The following ABI1 variants were observed in gnomAD, a reference collection of about 807,000 sequenced individuals.
The protein encoded by ABI1 is abl interactor 1.
A neutral mutation model predicts 54.6 loss-of-function variants in ABI1; 14 were observed. That is an observed-to-expected ratio of 0.26 (90% CI 0.17 to 0.40). ABI1 has a LOEUF of 0.40. Ranked by LOEUF, ABI1 falls within the 10% of genes least tolerant of loss-of-function variation. The probability of loss-of-function intolerance (pLI) is 1.00; values close to 1 mark genes in which losing one functional copy is unlikely to be tolerated. For missense variants in ABI1, 443 were observed against 598.3 expected, an observed-to-expected ratio of 0.74 and a Z score of 2.71; for synonymous variants, 194 against 209.3, an observed-to-expected ratio of 0.93 and a Z score of 0.63.
chr10:26,757,729 T>G (rs1174834543), intron 8 of ABI1, among the ~76,000 whole-genome samples: 1 of 152,186 alleles, frequency 6.6e-6, no homozygotes, highest in Non-Finnish European at 1.5e-5. Context: ...GGTTTTCAAT[T>G]CTTAGGAATT....
intron 5 of ABI1, 101 bp from the exon 6 acceptor site, chr10:26,769,093 A>C: frequency 1.2e-6 from 1 of 843,150 alleles, no homozygotes; most frequent in Non-Finnish European, 1.7e-6. Context: ...GTATACCAGG[A>C]TTTAAAAATA....
rs1177072828 is a variant in ABI1, at chr10:26,820,744, C to T, written c.285+2394G>A. On this transcript the variant is annotated intron_variant, in intron 2 of 10. Transcript: ENST00000376140. Reference sequence around the variant, plus strand: ...CTGGGATTACAGGTGCCCGCCACCACGCCCGGCTAATTTTTGTATTTTTAG... The same window carrying T: ...CTGGGATTACAGGTGCCCGCCACCATGCCCGGCTAATTTTTGTATTTTTAG... Among the ~76,000 whole-genome samples, 6 of 151,868 alleles carry T rather than the reference C, an allele frequency of 4.0e-5. No individual in the cohort carries two copies. The East Asian group carries it at 5.9e-4, about 15-fold the overall frequency.
chr10:26,750,664 A>G (rs946204657), intron 10 of ABI1, among the ~76,000 whole-genome samples: 1 of 152,178 alleles, frequency 6.6e-6, no homozygotes, highest in African/African-American at 2.4e-5. Context: ...AAAGTGTTCA[A>G]CTAAATCACA....
In ABI1 at chr10:26,755,649, A is replaced by G; in HGVS notation, c.1084+6T>C. On this transcript the variant is annotated splice_donor_region_variant and intron_variant, in intron 9 of 10. Coordinates refer to ENST00000376140, the MANE Select transcript of ABI1 (RefSeq NM_001012750.3). Reference sequence around the variant, plus strand: ...CTCTTCCATAGCTCAGTTTTTCCAAACTTACTGTTTTCCTGCACCCTGGCC... The same window carrying G: ...CTCTTCCATAGCTCAGTTTTTCCAAGCTTACTGTTTTCCTGCACCCTGGCC... 6.2e-7 allele frequency: 1 copy of G among 1,609,132 alleles called. No homozygotes were observed. Among genetic ancestry groups the G allele is most frequent in the Non-Finnish European group, 8.5e-7 (1 of 1,175,742 alleles).
intron 2 of ABI1, among the ~76,000 whole-genome samples, chr10:26,781,835 A>G (rs937886277): frequency 4.6e-5 from 7 of 152,194 alleles, no homozygotes; most frequent in African/African-American, 1.7e-4. Context: ...TAATCAAGCC[A>G]CTGATCAAGC....
chr10:26,838,173 G>A (rs949484549), intron 1 of ABI1, among the ~76,000 whole-genome samples: 1 of 151,700 alleles, frequency 6.6e-6, no homozygotes, highest in Non-Finnish European at 1.5e-5. Flanking sequence ...ACAGGTGACC[G>A]CCACCACACC....
At chr10:26,774,439 T>C (rs1334604249) in intron 3 of ABI1, among the ~76,000 whole-genome samples, 2 of 152,186 alleles carry the variant, frequency 1.3e-5, no homozygotes, top group African/African-American at 4.8e-5. Context: ...TTCTCTATTC[T>C]AGCTTCCTCT....
chr10:26,836,527 T>C (rs774486818), intron 1 of ABI1, among the ~76,000 whole-genome samples: 3 of 152,228 alleles, frequency 2.0e-5, no homozygotes, highest in Admixed American at 1.3e-4. Context: ...AATGAGAAGA[T>C]AGGCATGTAA....
chr10:26,815,616 T>A (rs548479416), intron 2 of ABI1, among the ~76,000 whole-genome samples: 34 of 152,328 alleles, frequency 2.2e-4, no homozygotes, highest in African/African-American at 8.2e-4. Context: ...ACAATTTAAA[T>A]TTCAGTTACA....
chr10:26,758,995 C>G, intron 8 of ABI1, 67 bp downstream of exon 8: 1 of 1,430,104 alleles, frequency 7.0e-7, no homozygotes, highest in Non-Finnish European at 9.5e-7. Flanking sequence ...GCAAGAATAA[C>G]AGTTTCAAAT....
chr10:26,787,664 G>GA (rs1260696097), intron 2 of ABI1, among the ~76,000 whole-genome samples: 1 of 152,146 alleles, frequency 6.6e-6, no homozygotes, highest in African/African-American at 2.4e-5. Flanking sequence ...TTTTCAGCGA[G>GA]ACTAATTCTT....
At position 26,749,364 on chromosome 10, in the gene ABI1, A is replaced by G. The variant is rs1837329945; in HGVS notation, c.1271-619T>C. ...ACCCTTATCTGAAATGCCTGGGATCAGAACTGCTTTGGATTTGGGATTTTC... is the reference window on the plus strand; with the variant it reads ...ACCCTTATCTGAAATGCCTGGGATCGGAACTGCTTTGGATTTGGGATTTTC... On this transcript the variant is annotated intron_variant, in intron 10 of 10. Transcript: ENST00000376140. Among the ~76,000 whole-genome samples, 4 of 152,384 alleles carry G rather than the reference A, an allele frequency of 2.6e-5. No individual in the cohort carries two copies. In the South Asian group the frequency reaches 8.3e-4, roughly 32 times the overall value.
At chr10:26,774,503 T>C (rs1197588592) in intron 3 of ABI1, among the ~76,000 whole-genome samples, 2 of 152,322 alleles carry the variant, frequency 1.3e-5, no homozygotes, top group Middle Eastern at 3.4e-3. Flanking sequence ...CCTTTATGAA[T>C]AGGTTCTGGT....
intron 2 of ABI1, among the ~76,000 whole-genome samples, chr10:26,807,148 TAAA>T (rs1262776444): frequency 6.6e-6 from 1 of 151,956 alleles, no homozygotes; most frequent in East Asian, 1.9e-4. Flanking sequence ...ATTAAAAAGA[TAAA>T]GAAGTAGAAA....
chr10:26,800,300 G>A (rs1351520424), intron 2 of ABI1, among the ~76,000 whole-genome samples: 1 of 152,084 alleles, frequency 6.6e-6, no homozygotes, highest in Non-Finnish European at 1.5e-5. Flanking sequence ...CAGGAGAATC[G>A]CTTGAACCCT....
Position 26,808,008 on chromosome 10 carries a change from C to T in ABI1, c.285+15130G>A, listed in dbSNP as rs530449196. Among the ~76,000 whole-genome samples, 55 of 152,256 alleles carry T rather than the reference C, an allele frequency of 3.6e-4. No homozygotes were observed. The East Asian group carries it at 9.7e-3, about 27-fold the overall frequency. On this transcript the variant is annotated intron_variant, in intron 2 of 10. Transcript: ENST00000376140. ...TCGGGAGGCTGGGGCAGAAGAATTG[C>T]TTGAACCCAGGAGGCAGAGGTTGCA...
At chr10:26,810,468 T>C (rs1221517928) in intron 2 of ABI1, among the ~76,000 whole-genome samples, 1 of 152,238 alleles carries the variant, frequency 6.6e-6, no homozygotes, top group African/African-American at 2.4e-5. Flanking sequence ...TGAACACTTT[T>C]TAAATTTTTT....
At chr10:26,844,345 G>A (rs949684333) in intron 1 of ABI1, among the ~76,000 whole-genome samples, 8 of 152,266 alleles carry the variant, frequency 5.3e-5, no homozygotes, top group African/African-American at 1.9e-4. Context: ...CTTTCAAAAA[G>A]AGATCATTTT....
intron 1 of ABI1, among the ~76,000 whole-genome samples, chr10:26,848,900 C>T (rs1366025596): frequency 2.6e-5 from 4 of 152,196 alleles, no homozygotes; most frequent in Admixed American, 2.0e-4. Flanking sequence ...TGAGCCACCA[C>T]GCCCGGCCAA....
Sources: allele counts gnomAD v4.1 joint callset (sites outside exome capture counted in the v4.1 genomes callset), GRCh38; gene constraint gnomAD v4.1.1; transcripts MANE v1.5; gene names NCBI Gene and HGNC (gene_info 2026-07-23, HGNC 2026-07-21).